The following ADAMTS19 variants were observed in gnomAD, a reference collection of about 807,000 sequenced individuals.
ADAMTS19 encodes the protein ADAM metallopeptidase with thrombospondin type 1 motif 19, also known as A disintegrin and metalloproteinase with thrombospondin motifs 19.
Under a neutral mutation model 153.3 loss-of-function variants are expected in ADAMTS19, and 93 were observed. The ratio of observed to expected loss-of-function variants is 0.61; its 90% CI spans 0.51 to 0.72. The LOEUF (loss-of-function observed/expected upper bound fraction) is 0.72. Among genes scored for constraint, ADAMTS19 ranks in the 30% least tolerant of loss-of-function variants. The probability of loss-of-function intolerance (pLI) is 0.00; values close to 1 mark genes in which losing one functional copy is unlikely to be tolerated. For missense variants in ADAMTS19, 1,482 were observed against 1,552.1 expected (o/e 0.95, Z 0.76); for synonymous variants, 600 against 556.6 (o/e 1.08, Z -1.10).
intron 17 of ADAMTS19, among the ~76,000 whole-genome samples, chr5:129,682,644 A>C (rs1754875478): frequency 6.6e-6 from 1 of 152,016 alleles, no homozygotes; most frequent in African/African-American, 2.4e-5. Context: ...TTTTTTAAAA[A>C]CCCATTTAAA....
intron 17 of ADAMTS19, among the ~76,000 whole-genome samples, chr5:129,683,201 T>C (rs543367194): frequency 1.4e-5 from 2 of 141,854 alleles, no homozygotes; most frequent in East Asian, 2.1e-4. Flanking sequence ...TATATATATA[T>C]ACTCATTAAC....
intron 6 of ADAMTS19, among the ~76,000 whole-genome samples, chr5:129,544,376 T>C (rs1752775228): frequency 1.3e-5 from 2 of 152,126 alleles, no homozygotes; most frequent in Admixed American, 1.3e-4. Flanking sequence ...AATGTAATAA[T>C]AAAAAAGGCC....
At chr5:129,483,078 C>T (rs1305235484) in intron 2 of ADAMTS19, among the ~76,000 whole-genome samples, 3 of 152,100 alleles carry the variant, frequency 2.0e-5, no homozygotes, top group African/African-American at 7.2e-5. Flanking sequence ...CTTTTATTAG[C>T]TGTATACACT....
chr5:129,513,269 T>C (rs933067651), intron 3 of ADAMTS19, among the ~76,000 whole-genome samples: 3 of 152,094 alleles, frequency 2.0e-5, no homozygotes, highest in African/African-American at 7.2e-5. Flanking sequence ...AGTTTACTCA[T>C]GATGCTGTCT....
intron 5 of ADAMTS19, among the ~76,000 whole-genome samples, chr5:129,528,175 A>G (rs1428042626): frequency 6.6e-6 from 1 of 152,024 alleles, no homozygotes; most frequent in Non-Finnish European, 1.5e-5. Flanking sequence ...TCATTTTGAT[A>G]TGCTGCTTAA....
At chr5:129,652,812 A>G (rs1753375039) in intron 13 of ADAMTS19, among the ~76,000 whole-genome samples, 1 of 152,220 alleles carries the variant, frequency 6.6e-6, no homozygotes, top group Admixed American at 6.5e-5. Context: ...AAAACTCCAG[A>G]AAGAGCATTA....
At chr5:129,710,897 C>T (rs540837761) in intron 21 of ADAMTS19, among the ~76,000 whole-genome samples, 1 of 152,020 alleles carries the variant, frequency 6.6e-6, no homozygotes, top group East Asian at 1.9e-4. Context: ...TTGTTTTTTT[C>T]TTTACATTGC....
At chr5:129,664,501 T>C (rs1040660185) in intron 15 of ADAMTS19, among the ~76,000 whole-genome samples, 5 of 152,138 alleles carry the variant, frequency 3.3e-5, no homozygotes, top group African/African-American at 1.2e-4. Flanking sequence ...ATGGAAATTA[T>C]GATTCTAAAA....
intron 21 of ADAMTS19, among the ~76,000 whole-genome samples, chr5:129,729,894 T>A (rs974006206): frequency 5.9e-5 from 9 of 152,072 alleles, no homozygotes; most frequent in Non-Finnish European, 8.8e-5. Context: ...TGTGACTAAT[T>A]ATGGGCCTCT....
chr5:129,616,365 G>T (rs562417054), intron 8 of ADAMTS19, among the ~76,000 whole-genome samples: 1 of 151,916 alleles, frequency 6.6e-6, no homozygotes, highest in South Asian at 2.1e-4. Context: ...GCTTTAGTGG[G>T]AAATATTATG....
At chr5:129,619,189 G>T (rs1467710918) in intron 8 of ADAMTS19, among the ~76,000 whole-genome samples, 1 of 151,958 alleles carries the variant, frequency 6.6e-6, no homozygotes, top group Non-Finnish European at 1.5e-5. Flanking sequence ...AGCATATGGG[G>T]TTGCAGGATG....
chr5:129,545,159 A>G (rs1752810180), intron 6 of ADAMTS19, among the ~76,000 whole-genome samples: 1 of 152,108 alleles, frequency 6.6e-6, no homozygotes. Flanking sequence ...AATTAAAAAA[A>G]ATAAAAAATT....
chr5:129,570,215 G>T (rs1753849192), intron 7 of ADAMTS19, among the ~76,000 whole-genome samples: 2 of 151,746 alleles, frequency 1.3e-5, no homozygotes, highest in Admixed American at 1.3e-4. Context: ...AGTAGAAACA[G>T]TTTACTGATA....
chr5:129,736,969 G>C (rs1201848186), intron 22 of ADAMTS19, 98 bp from the exon 23 acceptor site: 4 of 1,186,776 alleles, frequency 3.4e-6, no homozygotes, highest in East Asian at 5.4e-5. Flanking sequence ...GAACCAAAGA[G>C]AGTGTACAAA....
chr5:129,563,226 A>G (rs1361758297), intron 7 of ADAMTS19, among the ~76,000 whole-genome samples: 1 of 151,050 alleles, frequency 6.6e-6, no homozygotes, highest in Admixed American at 6.6e-5. Context: ...TTTTTTTTGC[A>G]TTATAGCACC....
chr5:129,580,458 G>T (rs993469006), intron 7 of ADAMTS19, among the ~76,000 whole-genome samples: 1 of 151,966 alleles, frequency 6.6e-6, no homozygotes, highest in Non-Finnish European at 1.5e-5. Flanking sequence ...TGGCCAGAAC[G>T]TCCAATATAT....
At chr5:129,597,242 AAATT>A (rs1264924061) in intron 8 of ADAMTS19, among the ~76,000 whole-genome samples, 7 of 152,224 alleles carry the variant, frequency 4.6e-5, no homozygotes, top group Non-Finnish European at 7.3e-5. Flanking sequence ...CATTTCACTG[AAATT>A]AATAATAGGA....
chr5:129,667,450 A>G (rs368322391), intron 16 of ADAMTS19, among the ~76,000 whole-genome samples: 14 of 152,150 alleles, frequency 9.2e-5, no homozygotes, highest in Admixed American at 1.3e-4. Flanking sequence ...CTGATCCTCA[A>G]TACTGGAGGT....
intron 6 of ADAMTS19, among the ~76,000 whole-genome samples, chr5:129,535,711 G>C (rs139444230): frequency 0.03 from 4,530 of 152,226 alleles, 89 homozygotes; most frequent in South Asian, 0.063. Flanking sequence ...TACCGAAACA[G>C]AGATATAGAC....
Sources: allele counts gnomAD v4.1 joint callset (sites outside exome capture counted in the v4.1 genomes callset), GRCh38; gene constraint gnomAD v4.1.1; transcripts MANE v1.5; gene names NCBI Gene and HGNC (gene_info 2026-07-23, HGNC 2026-07-21).